Variants in HLCS observed in about 807,000 individuals in gnomAD.
HLCS encodes the protein holocarboxylase synthetase, also known as biotin--protein ligase.
HLCS carries 53 observed loss-of-function variants against 75.0 expected under a neutral mutation model. That is an observed-to-expected ratio of 0.71 (90% CI 0.57 to 0.89). The LOEUF is 0.89. Among genes scored for constraint, HLCS ranks in the 40% least tolerant of loss-of-function variants. HLCS has a pLI of 0.00. For missense variants in HLCS, 966 were observed against 1,074.0 expected (o/e 0.90, Z 1.41); for synonymous variants, 431 against 428.6 (o/e 1.01, Z -0.07).
At chr21:36,771,250 AAAAT>A (rs2060198936) in intron 6 of HLCS, among the ~76,000 whole-genome samples, 1 of 150,426 alleles carries the variant, frequency 6.6e-6, no homozygotes, top group Non-Finnish European at 1.5e-5. Flanking sequence ...AAATAAATAT[AAAAT>A]AAAATAAAAA....
intron 4 of HLCS, among the ~76,000 whole-genome samples, chr21:36,932,086 T>G (rs2066673171): frequency 6.6e-6 from 1 of 152,354 alleles, no homozygotes; most frequent in South Asian, 2.1e-4. Context: ...AGTAGTACCC[T>G]GAGCTTCCTG....
At chr21:36,845,472 T>C (rs950062937) in intron 6 of HLCS, among the ~76,000 whole-genome samples, 1 of 152,108 alleles carries the variant, frequency 6.6e-6, no homozygotes, top group Non-Finnish European at 1.5e-5. Context: ...TCATGAACCG[T>C]AAATACAACG....
chr21:36,914,984 C>T (rs1481661684), intron 5 of HLCS, among the ~76,000 whole-genome samples: 1 of 152,252 alleles, frequency 6.6e-6, no homozygotes, highest in African/African-American at 2.4e-5. Flanking sequence ...GGCAGCCCTG[C>T]CTGGTGCACC....
Position 36,933,630 on chromosome 21 carries a change from G to A in HLCS, c.1437+2819C>T, listed in dbSNP as rs550957731. Among the ~76,000 whole-genome samples the A allele has an allele frequency of 2.1e-4, 28 of 134,844 alleles. No individual in the cohort carries two copies. The South Asian group carries it at 6.8e-3, about 33-fold the overall frequency. The allele number at this position is 134,844 out of a possible 152,430, so 88.5% of individuals were successfully genotyped here. ...TAAATGTGTACCTCTCCTCTCCGGTGGACAAAGCCATGCCAGTATAGACAA... is the reference window on the plus strand; with the variant it reads ...TAAATGTGTACCTCTCCTCTCCGGTAGACAAAGCCATGCCAGTATAGACAA... On this transcript the variant is annotated intron_variant, in intron 4 of 10. Coordinates refer to ENST00000674895, the MANE Select transcript of HLCS (RefSeq NM_001352514.2).
intron 6 of HLCS, among the ~76,000 whole-genome samples, chr21:36,856,480 T>C (rs1188918062): frequency 6.6e-6 from 1 of 152,162 alleles, no homozygotes; most frequent in Non-Finnish European, 1.5e-5. Flanking sequence ...CAAAATAGAA[T>C]CTATCTCAGA....
chr21:36,801,540 C>T (rs2061200837), intron 6 of HLCS, among the ~76,000 whole-genome samples: 1 of 152,224 alleles, frequency 6.6e-6, no homozygotes, highest in African/African-American at 2.4e-5. Flanking sequence ...AAGGCACATG[C>T]CCATCCTGTC....
intron 6 of HLCS, among the ~76,000 whole-genome samples, chr21:36,824,196 C>T (rs552145420): frequency 1.3e-5 from 2 of 152,138 alleles, no homozygotes; most frequent in Non-Finnish European, 2.9e-5. Flanking sequence ...AATCCAAATG[C>T]CCATTAATGA....
chr21:36,988,034 T>G (rs2069260027), intron 1 of HLCS, among the ~76,000 whole-genome samples: 1 of 152,210 alleles, frequency 6.6e-6, no homozygotes, highest in African/African-American at 2.4e-5. Context: ...TTGTATTCAA[T>G]TTTAGGTTTC....
At chr21:36,763,527 T>C (rs926919283) in intron 8 of HLCS, among the ~76,000 whole-genome samples, 1 of 152,178 alleles carries the variant, frequency 6.6e-6, no homozygotes, top group African/African-American at 2.4e-5. Flanking sequence ...CAAAAATTCA[T>C]ACACAGCAAA....
chr21:36,851,166 T>C (rs1484896774), intron 6 of HLCS, among the ~76,000 whole-genome samples: 8 of 152,102 alleles, frequency 5.3e-5, no homozygotes, highest in Non-Finnish European at 1.0e-4. Context: ...AATCCAGCAA[T>C]CCCAATCCTA....
chr21:36,974,377 G>A (rs192664310), intron 1 of HLCS: 52 of 152,410 alleles, frequency 3.4e-4, no homozygotes, highest in African/African-American at 1.2e-3. Context: ...GCAAGGGTGT[G>A]TCTAAGACAA....
At chr21:36,945,568 C>T (rs1048507302) in intron 2 of HLCS, among the ~76,000 whole-genome samples, 1 of 152,082 alleles carries the variant, frequency 6.6e-6, no homozygotes, top group Non-Finnish European at 1.5e-5. Context: ...ACTAAAGGTC[C>T]CATATTCTAT....
rs145248312 is a variant in HLCS at position 36,820,060 on chromosome 21, C to A, written c.1893-52775G>T. Among the ~76,000 whole-genome samples, 910 of 152,344 alleles carry A rather than the reference C, an allele frequency of 6.0e-3. 4 individuals carry two copies. The highest frequency in any genetic ancestry group is 0.031 in the South Asian group (150 of 4,826). On this transcript the variant is annotated intron_variant, in intron 6 of 10. Transcript: ENST00000674895. Reference sequence around the variant, plus strand: ...TCCCACCAAAAGCCAGGCTGTGCGACCCATGGAGATGACCACCAACCAGCA... The same window carrying A: ...TCCCACCAAAAGCCAGGCTGTGCGAACCATGGAGATGACCACCAACCAGCA...
intron 6 of HLCS, among the ~76,000 whole-genome samples, chr21:36,822,206 G>C (rs2061865643): frequency 1.3e-5 from 2 of 152,194 alleles, no homozygotes; most frequent in Non-Finnish European, 2.9e-5. Flanking sequence ...CGAATCACGA[G>C]GTCAGGAGTT....
Position 36,894,826 on chromosome 21 carries a change from C to T in HLCS, c.1892+2034G>A, listed in dbSNP as rs2064944144. On this transcript the variant is annotated intron_variant, in intron 6 of 10. Coordinates refer to ENST00000674895, the MANE Select transcript of HLCS (RefSeq NM_001352514.2). The stretch of plus-strand genomic sequence containing the variant: ...ATGTCTGTCAAACACTTTTACAGAC[C>T]CAAGTTTCCTAAGGCAGAGGTTTTT... Among the ~76,000 whole-genome samples the T allele has an allele frequency of 2.7e-5, 4 of 150,002 alleles. No individual in the cohort carries two copies. In the South Asian group the frequency reaches 8.5e-4, roughly 32 times the overall value.
chr21:36,856,498 T>A (rs2063198058), intron 6 of HLCS, among the ~76,000 whole-genome samples: 1 of 152,110 alleles, frequency 6.6e-6, no homozygotes, highest in East Asian at 1.9e-4. Flanking sequence ...AGATTGCAAA[T>A]AAATACCACG....
chr21:36,835,173 G>A (rs1027501931), intron 6 of HLCS, among the ~76,000 whole-genome samples: 4 of 152,174 alleles, frequency 2.6e-5, no homozygotes, highest in African/African-American at 7.2e-5. Context: ...ATTCCAAGAC[G>A]TCTGATTCAG....
intron 6 of HLCS, among the ~76,000 whole-genome samples, chr21:36,771,629 G>T (rs564791956): frequency 3.3e-5 from 5 of 152,136 alleles, no homozygotes; most frequent in Admixed American, 6.5e-5. Flanking sequence ...GATGACCACC[G>T]GACACTTTTA....
chr21:36,930,507 T>C lies in HLCS; in HGVS notation c.1438-74A>G, dbSNP rs1243598762. On this transcript the variant is annotated intron_variant, in intron 4 of 10. Transcript: ENST00000674895. ...TGAGAAAAACAGTTTCTTTTTTCTT[T>C]TTCTTTTTTTTTTTAAATTTAGAGA... 3 of 1,303,834 alleles carry C rather than the reference T, an allele frequency of 2.3e-6. No homozygotes were observed. The Admixed American group carries it at 6.2e-5, about 27-fold the overall frequency. 80.8% of individuals were successfully genotyped at this position (1,303,834 alleles called of 1,614,324 possible). A position where few individuals can be genotyped will look rare whatever the true frequency, so the allele number is the denominator to read the frequency against.
Sources: gnomAD v4.1 joint callset for allele counts (sites outside exome capture counted in the v4.1 genomes callset) on GRCh38, gnomAD v4.1.1 for gene constraint, MANE v1.5 for transcripts, NCBI Gene and HGNC (gene_info 2026-07-23, HGNC 2026-07-21) for gene names.